The following GCN1 variants were observed in gnomAD, a reference collection of about 807,000 sequenced individuals.
GCN1 encodes GCN1 activator of EIF2AK4.
In GCN1, 90 loss-of-function variants were observed where a neutral mutation model predicts 288.4. That is an observed-to-expected ratio of 0.31 (90% CI 0.26 to 0.37). GCN1 has a LOEUF of 0.37. Ranked by LOEUF, GCN1 falls within the 10% of genes least tolerant of loss-of-function variation. The pLI is 1.00. For missense variants in GCN1, 2,586 were observed against 3,419.9 expected (o/e 0.76, Z 6.08); for synonymous variants, 1,386 against 1,420.2 (o/e 0.98, Z 0.54).
rs1308605701 is a variant in GCN1, at chr12:120,177,744, T to G, written c.669A>C (p.Leu223=). ...GGATGTTCTTCATGTAAAAGTCCAG[T>G]AGGGCGCTCTAGAGAACACAAAGCT... ...MDVVSQHKSA[L]LDFYMKNILM... is the part of the protein sequence containing the mutation. Residue 223 remains leucine (L), a synonymous_variant, in exon 8 of 58, where the codon CTA becomes CTC. Coordinates refer to ENST00000300648, the MANE Select transcript of GCN1 (RefSeq NM_006836.2). The G allele has an allele frequency of 3.1e-6, 5 of 1,610,760 alleles. No individual in the cohort carries two copies. In the South Asian group the frequency reaches 5.5e-5, roughly 18 times the overall value.
chr12:120,188,518 G>A (rs1878901693), intron 2 of GCN1, among the ~76,000 whole-genome samples: 1 of 151,400 alleles, frequency 6.6e-6, no homozygotes, highest in Admixed American at 6.6e-5. Context: ...CTACCATGGT[G>A]CTGACTTCCA....
rs1434409421 is a variant in GCN1, at chr12:120,184,229, C to A, written c.200G>T (p.Arg67Leu). ...TLHRYRDAAS[R>L]RALQAAIQQL... ...CTGGATGGCTGCCTGCAAGGCCCTG[C>A]GGGAGGCTGCATCTCTAGGGGGAGA... The change falls in exon 4 of 58, where the codon CGC (arginine) becomes CTC (leucine). Residue 67 changes from arginine to leucine, a missense_variant. Arg to Leu is a moderately radical substitution (Grantham distance 102). Coordinates refer to ENST00000300648, the MANE Select transcript of GCN1 (RefSeq NM_006836.2). 4 of 1,612,980 alleles carry A rather than the reference C, an allele frequency of 2.5e-6. No individual in the cohort carries two copies. The highest frequency in any genetic ancestry group is 3.4e-6 in the Non-Finnish European group (4 of 1,179,660).
intron 51 of GCN1, 143 bp downstream of exon 51, chr12:120,136,359 G>A: frequency 1.6e-6 from 1 of 643,868 alleles, no homozygotes; most frequent in Non-Finnish European, 2.7e-6. Flanking sequence ...GGTGTAGCAT[G>A]TCTGAAGTCC....
intron 47 of GCN1, 70 bp from the exon 48 acceptor site, chr12:120,138,114 G>T: frequency 6.9e-7 from 1 of 1,443,554 alleles, no homozygotes; most frequent in Non-Finnish European, 9.5e-7. Context: ...GGGAACAGAC[G>T]GGTGGGCAAG....
At chr12:120,149,099 G>GC (rs1224164891) in intron 36 of GCN1, among the ~76,000 whole-genome samples, 4 of 151,880 alleles carry the variant, frequency 2.6e-5, no homozygotes, top group Middle Eastern at 6.9e-3. Context: ...AGCTTTCCTG[G>GC]GGGGGGAAAA....
chr12:120,190,155 G>A (rs1185248863), intron 2 of GCN1, 143 bp downstream of exon 2: 1 of 581,124 alleles, frequency 1.7e-6, no homozygotes, highest in Non-Finnish European at 3.1e-6. Context: ...AACCCAGGAG[G>A]TGGAGGTTGC....
chr12:120,160,430 G>T lies in GCN1; in HGVS notation c.2437-175C>A, dbSNP rs547435387. On this transcript the variant is annotated intron_variant, in intron 22 of 57. Transcript: ENST00000300648. ...CCTCCCACAAAGTCCACAGCCACCT[G>T]GTTTCTATAGAATGGAGACAGCAAT... 6 of 596,744 alleles carry T rather than the reference G, an allele frequency of 1.0e-5. No homozygotes were observed. In the African/African-American group the frequency reaches 1.1e-4, roughly 11 times the overall value. 37.0% of individuals were successfully genotyped at this position (596,744 alleles called of 1,614,324 possible).
At chr12:120,163,687 T>A (rs1878009268) in intron 18 of GCN1, among the ~76,000 whole-genome samples, 4 of 151,864 alleles carry the variant, frequency 2.6e-5, no homozygotes, top group Admixed American at 2.6e-4. Flanking sequence ...AGAACCCTGG[T>A]CAATTCATAT....
In GCN1 at chr12:120,130,765, A is replaced by G. The variant is rs1248525384; in HGVS notation, c.7564-12T>C. 6.4e-7 allele frequency: 1 copy of G among 1,566,334 alleles called. No individual in the cohort carries two copies. Among genetic ancestry groups the G allele is most frequent in the Non-Finnish European group, 8.8e-7 (1 of 1,137,624 alleles). On this transcript the variant is annotated splice_polypyrimidine_tract_variant and intron_variant, in intron 55 of 57. Coordinates refer to ENST00000300648, the MANE Select transcript of GCN1 (RefSeq NM_006836.2). ...ACCGCAATGGGGATCTGTGGAGAAC[A>G]GACAGCGCTAGACGGGAGGCCCCCC... is the stretch of plus-strand genomic sequence containing the variant.
In GCN1 at chr12:120,157,873, G is replaced by A; in HGVS notation, c.3063C>T (p.Asn1021=). The part of the protein sequence containing the change: ...TVQAQLRASP[N]TPPGRVDENG... ...CCTCGTCCACCCGCCCGGGTGGGGTGTTGGGGGAGGCCCTCAGCTGGGCTT... is the reference window on the plus strand; with the variant it reads ...CCTCGTCCACCCGCCCGGGTGGGGTATTGGGGGAGGCCCTCAGCTGGGCTT... Residue 1021 remains asparagine, a synonymous_variant, in exon 26 of 58, where the codon AAC becomes AAT. Transcript: ENST00000300648. The A allele has an allele frequency of 6.2e-7, 1 of 1,613,894 alleles. No individual in the cohort carries two copies. The highest frequency in any genetic ancestry group is 8.5e-7 in the Non-Finnish European group (1 of 1,179,974).
chr12:120,137,548 A>C lies in GCN1; in HGVS notation c.6660T>G (p.Thr2220=). The change falls in exon 49 of 58, where the codon ACT becomes ACG. Residue 2220 remains threonine (T), a synonymous_variant. Coordinates refer to ENST00000300648, the MANE Select transcript of GCN1 (RefSeq NM_006836.2). The surrounding 1 kb of genome is among the most constrained non-coding windows in gnomAD (Gnocchi z 5.2). The part of the protein sequence containing the change: ...EESWDALNAI[T]KKLDAGNQLA... ...GTGGGGTCAGCAGTCCCCTCACCTT[A>C]GTGATGGCATTTAGGGCATCCCAGC... 1.9e-6 allele frequency: 3 copies of C among 1,613,720 alleles called. No individual in the cohort carries two copies. Among genetic ancestry groups the C allele is most frequent in the Non-Finnish European group, 1.7e-6 (2 of 1,179,618 alleles).
chr12:120,188,406 C>T (rs1878889310), intron 2 of GCN1, among the ~76,000 whole-genome samples: 1 of 145,256 alleles, frequency 6.9e-6, no homozygotes, highest in Middle Eastern at 3.4e-3. Flanking sequence ...AGCACTCCAG[C>T]CTGGGTGACA....
intron 44 of GCN1, among the ~76,000 whole-genome samples, 159 bp from the exon 45 acceptor site, chr12:120,141,182 C>T (rs959859283): frequency 6.6e-6 from 1 of 152,192 alleles, no homozygotes; most frequent in African/African-American, 2.4e-5. Context: ...CCCAAATACT[C>T]TCTGTAGTGC....
Position 120,164,710 on chromosome 12 carries a change from C to T in GCN1, c.1624G>A (p.Val542Met), listed in dbSNP as rs1201662524. 11 of 1,611,966 alleles carry T rather than the reference C, an allele frequency of 6.8e-6. No homozygotes were observed. Among genetic ancestry groups the T allele is most frequent in the Non-Finnish European group, 9.3e-6 (11 of 1,178,046 alleles). Reference sequence around the variant, plus strand: ...AAAAGTCTCTCTGTCAGATGCAACACAGTACACAGGGCTTGGAGGGAAGAA... The same window carrying T: ...AAAAGTCTCTCTGTCAGATGCAACATAGTACACAGGGCTTGGAGGGAAGAA... ...VMASEDALCTVLHLTERLFLD... is the reference protein window; with the variant it reads ...VMASEDALCTMLHLTERLFLD... Residue 542 changes from valine (V) to methionine (M), a missense_variant, in exon 17 of 58, where the codon GTG becomes ATG. Physicochemically the swap from Val to Met is conservative, Grantham distance 21. Around this residue, in one of 8 missense-constraint regions of GCN1, gnomAD observed 913 missense variants for 1,107.0 expected, o/e 0.82. Transcript: ENST00000300648.
At chr12:120,187,818 G>A (rs1878866658) in intron 2 of GCN1, among the ~76,000 whole-genome samples, 1 of 151,152 alleles carries the variant, frequency 6.6e-6, no homozygotes. Flanking sequence ...TGATGCTGAT[G>A]CTGCCTGTCC....
At chr12:120,184,442 T>C (rs1400971014) in intron 3 of GCN1, among the ~76,000 whole-genome samples, 199 bp from the exon 4 acceptor site, 2 of 152,148 alleles carry the variant, frequency 1.3e-5, no homozygotes, top group African/African-American at 4.8e-5. Context: ...TAAGGGCAAA[T>C]AAGCCATTGA....
At chr12:120,169,296 GA>G (rs767645879) in intron 15 of GCN1, among the ~76,000 whole-genome samples, 122 of 55,668 alleles carry the variant, frequency 2.2e-3, no homozygotes, top group Non-Finnish European at 2.3e-3. Context: ...AAAAAAAAAA[GA>G]AAAAAAAAAA....
chr12:120,148,234 T>A lies in GCN1; in HGVS notation c.4659A>T (p.Lys1553Asn), dbSNP rs1877423504. 1 of 1,613,962 alleles carries A rather than the reference T, an allele frequency of 6.2e-7. No individual in the cohort carries two copies. Among genetic ancestry groups the A allele is most frequent in the Non-Finnish European group, 8.5e-7 (1 of 1,179,962 alleles). The part of the protein sequence containing the change: ...LTEVLTDSHV[K>N]VQKAGQQALR... ...GCGCCTGCTGTCCAGCCTTCTGGAC[T>A]TTGACATGGGAGTCGGTCAGCACCT... The change falls in exon 37 of 58, where the codon AAA (lysine) becomes AAT (asparagine). Residue 1553 changes from lysine to asparagine, a missense_variant. Lys to Asn is a moderately conservative substitution (Grantham distance 94). This residue lies in a region of GCN1 where 371 missense variants were observed against 572.6 expected (regional missense o/e 0.65). Coordinates refer to ENST00000300648, the MANE Select transcript of GCN1 (RefSeq NM_006836.2).
Position 120,155,057 on chromosome 12 carries a change from G to A in GCN1, c.3631-17C>T, listed in dbSNP as rs767686654. Reference sequence around the variant, plus strand: ...GGGCGGCCGCTGCAACAGACAAGTTGGTAAATGCTTTGCAACGGGCAGATC... The same window carrying A: ...GGGCGGCCGCTGCAACAGACAAGTTAGTAAATGCTTTGCAACGGGCAGATC... On this transcript the variant is annotated splice_polypyrimidine_tract_variant and intron_variant, in intron 30 of 57. Transcript: ENST00000300648. The surrounding 1 kb of genome is among the most constrained non-coding windows in gnomAD (Gnocchi z 4.9). 1.9e-6 allele frequency: 3 copies of A among 1,609,902 alleles called. No homozygotes were observed. The highest frequency in any genetic ancestry group is 1.7e-5 in the Admixed American group (1 of 60,028).
Sources: allele counts gnomAD v4.1 joint callset (sites outside exome capture counted in the v4.1 genomes callset), GRCh38; gene constraint gnomAD v4.1.1; regional missense constraint gnomAD v4.1.1; non-coding constraint Gnocchi (gnomAD v3.1); transcripts MANE v1.5; gene names NCBI Gene and HGNC (gene_info 2026-07-23, HGNC 2026-07-21).